Variants in ABCG1 observed in about 807,000 individuals in gnomAD.
ABCG1 encodes ATP-binding cassette sub-family G member 1.
A neutral mutation model predicts 69.2 loss-of-function variants in ABCG1; 29 were observed. The observed-to-expected ratio is 0.42, with a 90% CI of 0.31 to 0.57. The LOEUF (loss-of-function observed/expected upper bound fraction) is 0.57. Ranked by LOEUF, ABCG1 falls within the 20% of genes least tolerant of loss-of-function variation. ABCG1 has a pLI of 0.15. For synonymous variants in ABCG1, 370 were observed against 374.8 expected (o/e 0.99, Z 0.15); for missense variants, 718 against 898.1 (o/e 0.80, Z 2.56).
At chr21:42,263,995 C>T (rs1179687279) in intron 2 of ABCG1, among the ~76,000 whole-genome samples, 1 of 152,190 alleles carries the variant, frequency 6.6e-6, no homozygotes, top group Non-Finnish European at 1.5e-5. Context: ...GTTCGCGGGG[C>T]ATGATAATCA....
chr21:42,285,436 G>C, intron 7 of ABCG1, among the ~76,000 whole-genome samples: 1 of 152,032 alleles, frequency 6.6e-6, no homozygotes, highest in Admixed American at 6.6e-5. Context: ...AGCCCAGGAG[G>C]TGGAGGCTGC....
At chr21:42,264,790 G>C (rs966528165) in intron 2 of ABCG1, among the ~76,000 whole-genome samples, 1 of 152,134 alleles carries the variant, frequency 6.6e-6, no homozygotes, top group Non-Finnish European at 1.5e-5. Flanking sequence ...GGAGAGAAGA[G>C]ATAGAGGAGC....
chr21:42,285,219 C>T (rs1235127220), intron 7 of ABCG1, among the ~76,000 whole-genome samples: 1 of 152,022 alleles, frequency 6.6e-6, no homozygotes, highest in Admixed American at 6.5e-5. Context: ...AGGTTTTGGC[C>T]AGGCACAGTG....
chr21:42,285,180 T>G (rs190462998), intron 7 of ABCG1, among the ~76,000 whole-genome samples: 11 of 152,186 alleles, frequency 7.2e-5, no homozygotes, highest in African/African-American at 2.4e-4. Flanking sequence ...TTACAGCATT[T>G]GCACAGTATC....
At chr21:42,258,549 C>T (rs1439272828) in intron 2 of ABCG1, among the ~76,000 whole-genome samples, 1 of 152,000 alleles carries the variant, frequency 6.6e-6, no homozygotes, top group African/African-American at 2.4e-5. Context: ...CTGGGATTTG[C>T]AACTGGGGGT....
upstream of ABCG1, among the ~76,000 whole-genome samples, chr21:42,215,475 C>T (rs78238118): frequency 0.019 from 2,919 of 152,314 alleles, 93 homozygotes; most frequent in African/African-American, 0.066. Context: ...TGACTCCACT[C>T]GAAGTCAACT....
intron 2 of ABCG1, among the ~76,000 whole-genome samples, chr21:42,233,849 GAGTC>G (rs1601365456): frequency 1.3e-5 from 2 of 152,248 alleles, no homozygotes; most frequent in East Asian, 3.8e-4. Context: ...GGCAGAACCT[GAGTC>G]ACGTTCTTTC....
At position 42,223,167 on chromosome 21, in the gene ABCG1, C is replaced by G. The variant is rs184612046; in HGVS notation, c.43-2504C>G. 2.3e-3 allele frequency among the ~76,000 whole-genome samples: 351 copies of G among 152,310 alleles called. 2 individuals carry two copies. The highest frequency in any genetic ancestry group is 8.2e-3 in the African/African-American group (339 of 41,558). The stretch of plus-strand genomic sequence containing the variant: ...GACCCTACCAGCCCAAATCCACGCT[C>G]CAGCCCCTGCGTTTCTTACAGGTCT... On this transcript the variant is annotated intron_variant, in intron 1 of 14. Coordinates refer to ENST00000398449, the MANE Select transcript of ABCG1 (RefSeq NM_016818.3).
intron 2 of ABCG1, among the ~76,000 whole-genome samples, chr21:42,251,586 C>T (rs997807913): frequency 6.6e-6 from 1 of 151,552 alleles, no homozygotes; most frequent in African/African-American, 2.4e-5. Flanking sequence ...CAGCGGCCAA[C>T]GCATGTTTGG....
At chr21:42,265,499 C>T (rs2068486914) in intron 2 of ABCG1, among the ~76,000 whole-genome samples, 1 of 152,112 alleles carries the variant, frequency 6.6e-6, no homozygotes, top group Non-Finnish European at 1.5e-5. Flanking sequence ...CATGCGCAGA[C>T]AGAGGAGAGA....
At chr21:42,245,894 G>T (rs945956207) in intron 2 of ABCG1, among the ~76,000 whole-genome samples, 2 of 152,210 alleles carry the variant, frequency 1.3e-5, no homozygotes, top group African/African-American at 4.8e-5. Flanking sequence ...AGGAGACAGG[G>T]CACCAGGCAG....
rs1347623957 is a variant in ABCG1 at position 42,282,253 on chromosome 21, C to G, written c.589-21C>G. 3.7e-6 allele frequency: 6 copies of G among 1,606,672 alleles called. No individual in the cohort carries two copies. The Admixed American group carries it at 1.0e-4, about 27-fold the overall frequency. The stretch of plus-strand genomic sequence containing the variant: ...AGCTTTGGCGGGCAGCTCCCAATGT[C>G]TCTCGTTCTGTTGCCCCCAGGTCAA... On this transcript the variant is annotated intron_variant, in intron 5 of 14. Transcript: ENST00000398449.
intron 5 of ABCG1, among the ~76,000 whole-genome samples, chr21:42,279,339 T>C (rs1255370263): frequency 6.6e-6 from 1 of 152,082 alleles, no homozygotes; most frequent in Non-Finnish European, 1.5e-5. Context: ...GGAGAGGGTC[T>C]CGGGGATCAC....
At chr21:42,239,941 G>T (rs2123591528) in intron 2 of ABCG1, among the ~76,000 whole-genome samples, 1 of 152,356 alleles carries the variant, frequency 6.6e-6, no homozygotes, top group Non-Finnish European at 1.5e-5. Context: ...ATTTTTGGGT[G>T]TCTGGTGATT....
chr21:42,219,843 G>T lies in ABCG1; in HGVS notation c.42+539G>T. 1.3e-6 allele frequency: 2 copies of T among 1,502,170 alleles called. No homozygotes were observed. Among genetic ancestry groups the T allele is most frequent in the Non-Finnish European group, 1.8e-6 (2 of 1,127,330 alleles). The allele number at this position is 1,502,170 out of a possible 1,614,324, so 93.1% of individuals were successfully genotyped here. ...CGGAGCCTGCGACTGCACTCCCGGG[G>T]ACACCCTCTCCCGGACCCACTCGGG... On this transcript the variant is annotated intron_variant, in intron 1 of 14. Coordinates refer to ENST00000398449, the MANE Select transcript of ABCG1 (RefSeq NM_016818.3). This position sits in a 1 kb window ranked among gnomAD's most constrained non-coding sequence, Gnocchi z 5.3.
intron 5 of ABCG1, among the ~76,000 whole-genome samples, chr21:42,278,627 C>T (rs1016215727): frequency 1.3e-5 from 2 of 152,192 alleles, no homozygotes; most frequent in Non-Finnish European, 2.9e-5. Context: ...CTGCTGCCCT[C>T]GATCTCAGAC....
rs2067680321 is a variant in ABCG1, at chr21:42,219,222, C to CCG, written c.-40_-39insGC. 4.1e-6 allele frequency: 6 copies of CCG among 1,474,084 alleles called. No homozygotes were observed. The African/African-American group carries it at 8.8e-5, about 22-fold the overall frequency. 91.3% of individuals were successfully genotyped at this position (1,474,084 alleles called of 1,614,324 possible). On this transcript the variant is annotated 5_prime_UTR_variant, in exon 1 of 15. Coordinates refer to ENST00000398449, the MANE Select transcript of ABCG1 (RefSeq NM_016818.3). The surrounding 1 kb of genome is among the most constrained non-coding windows in gnomAD (Gnocchi z 5.3). ...TCGGCCCCGCAGCTCAAGCCTCGTC[C>CCG]CCGCCGCCGCCGCCGCCGCCGCCGC...
At chr21:42,220,033 T>C (rs1271213950) in intron 1 of ABCG1, 3 of 1,552,680 alleles carry the variant, frequency 1.9e-6, no homozygotes, top group South Asian at 1.2e-5. Flanking sequence ...AGTTCACTGC[T>C]GGACACAGTT....
At chr21:42,224,266 G>A (rs1476242185) in intron 1 of ABCG1, among the ~76,000 whole-genome samples, 2 of 152,186 alleles carry the variant, frequency 1.3e-5, no homozygotes, top group Non-Finnish European at 2.9e-5. Flanking sequence ...AACACCTGGG[G>A]CAGCAGCATG....
Sources: allele counts gnomAD v4.1 joint callset (sites outside exome capture counted in the v4.1 genomes callset), GRCh38; gene constraint gnomAD v4.1.1; non-coding constraint Gnocchi (gnomAD v3.1); transcripts MANE v1.5; gene names NCBI Gene and HGNC (gene_info 2026-07-23, HGNC 2026-07-21).